The following PTPRD variants were observed in gnomAD, a reference collection of about 807,000 sequenced individuals.
The protein encoded by PTPRD is receptor-type tyrosine-protein phosphatase delta.
In PTPRD, 34 loss-of-function variants were observed where a neutral mutation model predicts 214.5. The observed-to-expected ratio is 0.16, with a 90% confidence interval of 0.12 to 0.21. The LOEUF is 0.21. PTPRD is among the 10% of genes least tolerant of loss of function. The probability of loss-of-function intolerance (pLI) is 1.00; values close to 1 mark genes in which losing one functional copy is unlikely to be tolerated. For synonymous variants in PTPRD, 1,128 were observed against 845.7 expected (o/e 1.33, Z -5.79); for missense variants, 2,545 against 2,398.7 (o/e 1.06, Z -1.27).
In PTPRD at chr9:9,616,453, C is replaced by CCAAATACATAAAGTTGTTCAAGTT. The variant is rs554269628; in HGVS notation, c.-286-41696_-286-41673dup. Reference sequence around the variant, plus strand: ...TGCATCTAGGATACGACCCCACTTTCCAAATACATAAAGTTGTTCAAGTTC... The same window carrying CCAAATACATAAAGTTGTTCAAGTT: ...TGCATCTAGGATACGACCCCACTTTCCAAATACATAAAGTTGTTCAAGTTCAAATACATAAAGTTGTTCAAGTTC... On this transcript the variant is annotated intron_variant, in intron 7 of 45. Transcript: ENST00000381196. Among the ~76,000 whole-genome samples, 158 of 152,158 alleles carry CCAAATACATAAAGTTGTTCAAGTT rather than the reference C, an allele frequency of 1.0e-3. 3 individuals carry two copies. The highest frequency in any genetic ancestry group is 9.8e-3 in the Admixed American group (150 of 15,264).
chr9:8,839,965 G>A (rs2570297), intron 11 of PTPRD, among the ~76,000 whole-genome samples: 133,230 of 152,270 alleles, frequency 0.87, 58,408 homozygotes, highest in Middle Eastern at 0.93. Context: ...AAAATTACTC[G>A]AGTTAGAACA....
At chr9:8,889,596 C>A (rs2098520622) in intron 11 of PTPRD, among the ~76,000 whole-genome samples, 1 of 152,100 alleles carries the variant, frequency 6.6e-6, no homozygotes, top group South Asian at 2.1e-4. Context: ...AATGTGTAGT[C>A]TTTTATCCCT....
chr9:10,009,056 G>A (rs985902310), intron 4 of PTPRD, among the ~76,000 whole-genome samples: 4 of 151,768 alleles, frequency 2.6e-5, no homozygotes, highest in African/African-American at 9.7e-5. Context: ...AGGTTTTAAA[G>A]TTATTTAATG....
chr9:9,534,348 T>C (rs889510811), intron 8 of PTPRD, among the ~76,000 whole-genome samples: 4 of 152,068 alleles, frequency 2.6e-5, no homozygotes, highest in Non-Finnish European at 5.9e-5. Context: ...CATCCTCAAT[T>C]ACCTCCATGG....
intron 5 of PTPRD, among the ~76,000 whole-genome samples, chr9:9,917,333 C>T (rs1409472324): frequency 5.8e-5 from 4 of 69,446 alleles, no homozygotes; most frequent in Non-Finnish European, 1.4e-4. Context: ...AGAGAGTAGA[C>T]CTAAATAAAA....
chr9:8,658,760 A>T (rs1038094017), intron 12 of PTPRD, among the ~76,000 whole-genome samples: 2 of 151,852 alleles, frequency 1.3e-5, no homozygotes, highest in African/African-American at 4.8e-5. Flanking sequence ...TACCCTAGCT[A>T]CAAAGGATGA....
intron 4 of PTPRD, among the ~76,000 whole-genome samples, chr9:9,972,899 A>G (rs1363618244): frequency 1.3e-5 from 2 of 152,124 alleles, no homozygotes; most frequent in African/African-American, 4.8e-5. Context: ...CCATTGTAAG[A>G]TCCTTAATTA....
intron 10 of PTPRD, among the ~76,000 whole-genome samples, chr9:9,115,283 T>C (rs929913735): frequency 6.6e-6 from 1 of 152,130 alleles, no homozygotes; most frequent in African/African-American, 2.4e-5. Context: ...ACTTACGTTT[T>C]GAAAATAATC....
At chr9:9,030,492 T>A (rs2099601723) in intron 10 of PTPRD, among the ~76,000 whole-genome samples, 1 of 151,758 alleles carries the variant, frequency 6.6e-6, no homozygotes, top group South Asian at 2.1e-4. Context: ...ACTTGAAAGC[T>A]ATGTTTTTGT....
intron 34 of PTPRD, among the ~76,000 whole-genome samples, chr9:8,448,905 T>C (rs1399719672): frequency 1.3e-5 from 2 of 152,208 alleles, no homozygotes; most frequent in Non-Finnish European, 1.5e-5. Flanking sequence ...ACTTCTTAGA[T>C]TAGCTTTTCA....
At chr9:8,427,669 C>A (rs6477303) in intron 35 of PTPRD, among the ~76,000 whole-genome samples, 74,702 of 151,470 alleles carry the variant, frequency 0.49, 18,829 homozygotes, top group East Asian at 0.73. Flanking sequence ...TCTTCTTCTT[C>A]TTATTGTTAT....
chr9:8,495,732 A>T (rs1294742886), intron 26 of PTPRD, among the ~76,000 whole-genome samples: 1 of 152,198 alleles, frequency 6.6e-6, no homozygotes, highest in Non-Finnish European at 1.5e-5. Flanking sequence ...TCTTACTGTG[A>T]GTTATAGTCA....
chr9:9,435,091 T>C (rs2143698832), intron 8 of PTPRD, among the ~76,000 whole-genome samples: 1 of 152,066 alleles, frequency 6.6e-6, no homozygotes, highest in Middle Eastern at 3.4e-3. Context: ...TTCCTAAAAT[T>C]TTGGCAAATT....
intron 2 of PTPRD, among the ~76,000 whole-genome samples, chr9:10,463,620 G>GTT (rs147369483): frequency 6.6e-6 from 1 of 151,146 alleles, no homozygotes; most frequent in African/African-American, 2.4e-5. Flanking sequence ...GAAAAAGAGG[G>GTT]TTTTTTTTTC....
At chr9:10,506,353 T>C (rs1325229303) in intron 2 of PTPRD, among the ~76,000 whole-genome samples, 2 of 152,174 alleles carry the variant, frequency 1.3e-5, no homozygotes, top group African/African-American at 4.8e-5. Context: ...AAAGTAACCT[T>C]GGTACCATAC....
intron 4 of PTPRD, among the ~76,000 whole-genome samples, chr9:9,952,231 T>C (rs771824577): frequency 6.6e-6 from 1 of 152,184 alleles, no homozygotes; most frequent in Non-Finnish European, 1.5e-5. Context: ...AACGTGGCTA[T>C]GTTCTTTTGT....
chr9:10,391,144 T>G (rs2098054939), intron 2 of PTPRD, among the ~76,000 whole-genome samples: 1 of 151,758 alleles, frequency 6.6e-6, no homozygotes, highest in African/African-American at 2.4e-5. Flanking sequence ...CTGGATTGGA[T>G]GCAGTTGGAA....
At chr9:9,266,146 T>C (rs1304870126) in intron 9 of PTPRD, among the ~76,000 whole-genome samples, 1 of 151,366 alleles carries the variant, frequency 6.6e-6, no homozygotes, top group Non-Finnish European at 1.5e-5. Flanking sequence ...ACAAAGAAAG[T>C]CATTTTATAA....
At chr9:8,795,564 C>T (rs929281813) in intron 11 of PTPRD, among the ~76,000 whole-genome samples, 1 of 152,194 alleles carries the variant, frequency 6.6e-6, no homozygotes, top group African/African-American at 2.4e-5. Context: ...ATACCACAGT[C>T]ACTGGACTGA....
Sources: allele counts gnomAD v4.1 joint callset (sites outside exome capture counted in the v4.1 genomes callset), GRCh38; gene constraint gnomAD v4.1.1; transcripts MANE v1.5; gene names NCBI Gene and HGNC (gene_info 2026-07-23, HGNC 2026-07-21).